PALLD: variants seen among roughly 807,000 people sequenced by gnomAD.
The protein encoded by PALLD is palladin, cytoskeletal associated protein.
A neutral mutation model predicts 123.5 loss-of-function variants in PALLD; 61 were observed. That is an observed-to-expected ratio of 0.49 (90% CI 0.40 to 0.61). The LOEUF is 0.61. PALLD is among the 20% of genes least tolerant of loss of function. The pLI, the probability that PALLD is intolerant of heterozygous loss-of-function variation, is 0.00. For synonymous variants in PALLD, 465 were observed against 496.4 expected (o/e 0.94, Z 0.84); for missense variants, 1,273 against 1,377.0 (o/e 0.92, Z 1.20).
intron 6 of PALLD, among the ~76,000 whole-genome samples, chr4:168,688,222 A>G (rs1369353625): frequency 6.6e-5 from 10 of 152,152 alleles, no homozygotes; most frequent in Non-Finnish European, 1.3e-4. Flanking sequence ...GCTTTCTCTT[A>G]GGCATGATGA....
chr4:168,917,734 T>C (rs997464451), intron 17 of PALLD, among the ~76,000 whole-genome samples: 8 of 152,188 alleles, frequency 5.3e-5, no homozygotes, highest in African/African-American at 1.7e-4. Flanking sequence ...AATATTTTAT[T>C]TCTTAGGATC....
chr4:168,590,865 T>G (rs887495231), intron 2 of PALLD, among the ~76,000 whole-genome samples: 1 of 1,320 alleles, frequency 7.6e-4, no homozygotes, highest in Non-Finnish European at 1.2e-3. Flanking sequence ...ACCTAGAAAG[T>G]TTTTTTTTTT....
intron 10 of PALLD, chr4:168,878,437 T>A (rs1560842095): frequency 2.1e-6 from 3 of 1,414,794 alleles, no homozygotes; most frequent in Non-Finnish European, 2.8e-6. Flanking sequence ...CCCCTCCGCC[T>A]CGGGTCGCCC....
At chr4:168,574,288 C>G (rs551993231) in intron 2 of PALLD, among the ~76,000 whole-genome samples, 1 of 152,024 alleles carries the variant, frequency 6.6e-6, no homozygotes, top group South Asian at 2.1e-4. Flanking sequence ...ATGCTTACCA[C>G]AAAAAACCCC....
Position 168,926,314 on chromosome 4 carries a change from G to A in PALLD, c.*134G>A. ...GGACCAGGGACTAGACATCAAAGCA[G>A]CGTTCCAACCTGAGGCCAACCCATC... On this transcript the variant is annotated 3_prime_UTR_variant, in exon 22 of 22. Transcript: ENST00000505667. 6.5e-7 allele frequency: 1 copy of A among 1,537,324 alleles called. No homozygotes were observed. The highest frequency in any genetic ancestry group is 8.7e-7 in the Non-Finnish European group (1 of 1,146,852).
rs550043177 is a variant in PALLD, at chr4:168,661,084, T to C, written c.909-7106T>C. Among the ~76,000 whole-genome samples the C allele has an allele frequency of 1.1e-4, 17 of 152,148 alleles. No homozygotes were observed. In the South Asian group the frequency reaches 3.3e-3, roughly 30 times the overall value. ...CATGCCCGGCTAATTTTTGTATTTT[T>C]AGTAGAGACGGGGTTTCACCATGCT... is the stretch of plus-strand genomic sequence containing the variant. On this transcript the variant is annotated intron_variant, in intron 2 of 21. Coordinates refer to ENST00000505667, the MANE Select transcript of PALLD (RefSeq NM_001166108.2).
rs757001430 is a variant in PALLD at position 168,851,391 on chromosome 4, G to T, written c.1965-39531G>T. Among the ~76,000 whole-genome samples, 10 of 152,022 alleles carry T rather than the reference G, an allele frequency of 6.6e-5. 1 individual carries two copies. The highest frequency in any genetic ancestry group is 1.3e-4 in the Admixed American group (2 of 15,250). ...TTTTGTTTTGTTTTGTTTTTGAGAC[G>T]GAGTCTGGCTGTTTCACCCAGGCTG... On this transcript the variant is annotated intron_variant, in intron 10 of 21. Coordinates refer to ENST00000505667, the MANE Select transcript of PALLD (RefSeq NM_001166108.2).
At chr4:168,646,920 A>G (rs1777518587) in intron 2 of PALLD, among the ~76,000 whole-genome samples, 1 of 152,224 alleles carries the variant, frequency 6.6e-6, no homozygotes, top group African/African-American at 2.4e-5. Flanking sequence ...TGGTATAAAT[A>G]TGATATCTCA....
At chr4:168,627,525 T>C (rs1775417720) in intron 2 of PALLD, among the ~76,000 whole-genome samples, 1 of 151,922 alleles carries the variant, frequency 6.6e-6, no homozygotes, top group Non-Finnish European at 1.5e-5. Flanking sequence ...TATAGATAGA[T>C]AGATAAATAG....
chr4:168,881,413 C>A (rs920658669), intron 10 of PALLD, among the ~76,000 whole-genome samples: 7 of 151,516 alleles, frequency 4.6e-5, no homozygotes, highest in African/African-American at 1.7e-4. Flanking sequence ...AACCACAAAG[C>A]CGAGGCAAAA....
intron 6 of PALLD, 90 bp from the exon 7 acceptor site, chr4:168,690,513 G>A: frequency 6.7e-7 from 1 of 1,500,944 alleles, no homozygotes; most frequent in East Asian, 2.3e-5. Flanking sequence ...TGTTTTGTCT[G>A]AGGTTTGGAA....
intron 10 of PALLD, among the ~76,000 whole-genome samples, chr4:168,829,649 A>T (rs1481140976): frequency 6.6e-6 from 1 of 152,226 alleles, no homozygotes; most frequent in East Asian, 1.9e-4. Flanking sequence ...TCAGTGTCCC[A>T]TCACAGCCTG....
intron 2 of PALLD, among the ~76,000 whole-genome samples, chr4:168,652,926 T>C (rs1352779975): frequency 6.6e-6 from 1 of 152,212 alleles, no homozygotes; most frequent in Non-Finnish European, 1.5e-5. Context: ...TGCCATTCTT[T>C]AGTGTTCAGC....
chr4:168,524,713 TA>T (rs1763885600), intron 2 of PALLD, among the ~76,000 whole-genome samples: 1 of 152,192 alleles, frequency 6.6e-6, no homozygotes, highest in South Asian at 2.1e-4. Flanking sequence ...AGCAGTTCTC[TA>T]AAAGCAAACC....
At chr4:168,864,016 C>A (rs908016223) in intron 10 of PALLD, 10 of 152,174 alleles carry the variant, frequency 6.6e-5, no homozygotes, top group African/African-American at 2.2e-4. Flanking sequence ...TAAGTATATT[C>A]TGTATTAGTT....
chr4:168,643,793 T>C (rs1456949106), intron 2 of PALLD, among the ~76,000 whole-genome samples: 2 of 152,210 alleles, frequency 1.3e-5, no homozygotes, highest in Non-Finnish European at 2.9e-5. Context: ...TGAGCCCTGA[T>C]CAAAAGTCTC....
At chr4:168,767,292 C>T (rs1733799505) in intron 10 of PALLD, among the ~76,000 whole-genome samples, 2 of 152,174 alleles carry the variant, frequency 1.3e-5, no homozygotes, top group East Asian at 1.9e-4. Context: ...CCACCAGGCC[C>T]TTACACATGA....
At chr4:168,544,454 A>G (rs1015123031) in intron 2 of PALLD, among the ~76,000 whole-genome samples, 2 of 152,248 alleles carry the variant, frequency 1.3e-5, no homozygotes, top group African/African-American at 4.8e-5. Context: ...AGGTGTATCC[A>G]TTAATGGAAA....
chr4:168,619,927 T>C (rs1774591785), intron 2 of PALLD, among the ~76,000 whole-genome samples: 1 of 152,194 alleles, frequency 6.6e-6, no homozygotes, highest in African/African-American at 2.4e-5. Context: ...CAGTAAAGTC[T>C]GCACTTTAAG....
Sources: gnomAD v4.1 joint callset for allele counts (sites outside exome capture counted in the v4.1 genomes callset) on GRCh38, gnomAD v4.1.1 for gene constraint, MANE v1.5 for transcripts, NCBI Gene and HGNC (gene_info 2026-07-23, HGNC 2026-07-21) for gene names.